The following PTGES3L variants were observed in gnomAD, a reference collection of about 807,000 sequenced individuals.
The protein encoded by PTGES3L is putative protein PTGES3L.
A neutral mutation model predicts 25.0 loss-of-function variants in PTGES3L; 17 were observed. The observed-to-expected ratio is 0.68, with a 90% confidence interval of 0.47 to 1.02. The LOEUF (loss-of-function observed/expected upper bound fraction) is 1.02, where lower values mean the gene tolerates loss of function less well. PTGES3L is among the 50% of genes least tolerant of loss of function. The pLI is 0.00. For missense variants in PTGES3L, 202 were observed against 197.5 expected, an observed-to-expected ratio of 1.02 and a Z score of -0.14; for synonymous variants, 59 against 65.7, an observed-to-expected ratio of 0.90 and a Z score of 0.50.
Position 42,979,392 on chromosome 17 carries a change from T to C in PTGES3L, c.175A>G (p.Lys59Glu). ...ELYNEIEFYA[K>E]VNSKDSQDKR... Reference sequence around the variant, plus strand: ...TTCACCCTTACCTTGGAGTTCACTTTGGCATAGAACTCAATCTCATTGTAC... The same window carrying C: ...TTCACCCTTACCTTGGAGTTCACTTCGGCATAGAACTCAATCTCATTGTAC... Residue 59 changes from lysine (K) to glutamate (E), a missense_variant, in exon 3 of 7, where the codon AAA (lysine) becomes GAA (glutamate). Transcript: ENST00000591916. The C allele has an allele frequency of 1.2e-6, 2 of 1,614,208 alleles. No homozygotes were observed. The highest frequency in any genetic ancestry group is 1.7e-6 in the Non-Finnish European group (2 of 1,180,028).
At chr17:42,974,808 T>C (rs1244248606) in intron 4 of PTGES3L, among the ~76,000 whole-genome samples, 1 of 150,080 alleles carries the variant, frequency 6.7e-6, no homozygotes, top group Non-Finnish European at 1.5e-5. Flanking sequence ...GAACACATAC[T>C]ATGGACAGAC....
At chr17:42,969,591 A>G (rs1389193284) in intron 6 of PTGES3L, among the ~76,000 whole-genome samples, 1 of 151,546 alleles carries the variant, frequency 6.6e-6, no homozygotes, top group African/African-American at 2.4e-5. Context: ...TGGTAGAGAC[A>G]GGGTTTTGCC....
chr17:42,972,337 C>T (rs1402141856), intron 4 of PTGES3L, among the ~76,000 whole-genome samples: 3 of 142,172 alleles, frequency 2.1e-5, no homozygotes, highest in East Asian at 4.3e-4. Flanking sequence ...CCCCCTCCCC[C>T]TCCCCATGGT....
intron 4 of PTGES3L, among the ~76,000 whole-genome samples, chr17:42,977,284 G>C (rs1342373579): frequency 6.6e-6 from 1 of 152,010 alleles, no homozygotes; most frequent in Non-Finnish European, 1.5e-5. Context: ...AAATTAGCTG[G>C]GCATGGTGGT....
intron 4 of PTGES3L, among the ~76,000 whole-genome samples, chr17:42,973,369 G>T (rs2049893021): frequency 5.1e-4 from 1 of 1,966 alleles, no homozygotes; most frequent in African/African-American, 1.7e-3. Flanking sequence ...GGAGGGAAGT[G>T]GGGGGGGTCA....
At chr17:42,970,115 A>G (rs998844887) in intron 6 of PTGES3L, among the ~76,000 whole-genome samples, 174 bp downstream of exon 6, 2 of 152,100 alleles carry the variant, frequency 1.3e-5, no homozygotes, top group African/African-American at 2.4e-5. Flanking sequence ...CGAAAGAGTG[A>G]AACTCCTCCC....
chr17:42,979,505 G>C (rs771885045), intron 2 of PTGES3L, 45 bp downstream of exon 2: 3 of 1,614,012 alleles, frequency 1.9e-6, no homozygotes, highest in Non-Finnish European at 2.5e-6. Context: ...TTAGGAAAGG[G>C]GTAGATTCCT....
chr17:42,980,064 G>T lies in PTGES3L; in HGVS notation c.-11C>A. ...CACTCACCGTGCCATTGCGGCTCCC[G>T]CTCCAGGGTGGCATTTAGAGTTCCA... is the stretch of plus-strand genomic sequence containing the variant. On this transcript the variant is annotated 5_prime_UTR_variant, in exon 1 of 7. Coordinates refer to ENST00000591916, the MANE Select transcript of PTGES3L (RefSeq NM_001261430.2). The T allele has an allele frequency of 6.4e-7, 1 of 1,551,120 alleles. No individual in the cohort carries two copies. The highest frequency in any genetic ancestry group is 8.7e-7 in the Non-Finnish European group (1 of 1,146,844).
rs1314149931 is a variant in PTGES3L, at chr17:42,970,289, A to G, written c.432T>C (p.Asp144=). The change falls in exon 6 of 7, where the codon GAT becomes GAC. Residue 144 remains aspartate, a splice_region_variant and synonymous_variant. Coordinates refer to ENST00000591916, the MANE Select transcript of PTGES3L (RefSeq NM_001261430.2). ...KRPPPAMDDL[D]DDSDSADDAT... ...GGGTTGAGGGGAAGGCTTTACTTAC[A>G]TCCAAATCATCCATGGCAGGTGGAG... The G allele has an allele frequency of 6.2e-7, 1 of 1,613,930 alleles. No individual in the cohort carries two copies. The highest frequency in any genetic ancestry group is 1.1e-5 in the South Asian group (1 of 91,086).
chr17:42,976,933 T>C (rs1053396704), intron 4 of PTGES3L, among the ~76,000 whole-genome samples: 7 of 152,160 alleles, frequency 4.6e-5, no homozygotes, highest in Non-Finnish European at 7.3e-5. Context: ...AGAAATTAAG[T>C]AGTGAATTCA....
chr17:42,968,147 A>G lies in PTGES3L; in HGVS notation c.*1001T>C, dbSNP rs2049767271. On this transcript the variant is annotated 3_prime_UTR_variant, in exon 7 of 7. Transcript: ENST00000591916. ...TTGTTTAAGTTACAGTCAACTGTACATATTAGGCACTCAAAAAAGTTTATG... is the reference window on the plus strand; with the variant it reads ...TTGTTTAAGTTACAGTCAACTGTACGTATTAGGCACTCAAAAAAGTTTATG... 1 of 152,230 alleles carries G rather than the reference A, an allele frequency of 6.6e-6. No homozygotes were observed. Among genetic ancestry groups the G allele is most frequent in the Non-Finnish European group, 1.5e-5 (1 of 68,046 alleles). 9.4% of individuals were successfully genotyped at this position (152,230 alleles called of 1,614,324 possible). A position where few individuals can be genotyped will look rare whatever the true frequency, so the allele number is the denominator to read the frequency against.
intron 4 of PTGES3L, among the ~76,000 whole-genome samples, chr17:42,974,932 C>T (rs572828804): frequency 5.3e-5 from 8 of 151,224 alleles, no homozygotes; most frequent in Admixed American, 4.0e-4. Context: ...CCCAGGGGTT[C>T]GAGACCAGCC....
chr17:42,972,876 G>A (rs2049872453), intron 4 of PTGES3L, among the ~76,000 whole-genome samples: 1 of 150,030 alleles, frequency 6.7e-6, no homozygotes, highest in African/African-American at 2.5e-5. Flanking sequence ...TAGGAAGTGA[G>A]GAGCGCCTCT....
intron 5 of PTGES3L, 83 bp downstream of exon 5, chr17:42,971,524 A>G: frequency 6.7e-7 from 1 of 1,502,102 alleles, no homozygotes. Context: ...GCTTGGCCCC[A>G]GTGACAATCC....
In PTGES3L at chr17:42,971,713, C is replaced by T. The variant is rs1309383414; in HGVS notation, c.289-17G>A. 1.7e-5 allele frequency: 27 copies of T among 1,613,606 alleles called. No individual in the cohort carries two copies. The highest frequency in any genetic ancestry group is 2.2e-5 in the Non-Finnish European group (26 of 1,179,830). On this transcript the variant is annotated splice_polypyrimidine_tract_variant and intron_variant, in intron 4 of 6. Transcript: ENST00000591916. ...CCACACTGGCTGCAAGAAGAGGCACCAAGAGTCACAGGCCAGGAGGGCAGG... is the reference window on the plus strand; with the variant it reads ...CCACACTGGCTGCAAGAAGAGGCACTAAGAGTCACAGGCCAGGAGGGCAGG...
chr17:42,979,472 G>GC, intron 2 of PTGES3L, 28 bp from the exon 3 acceptor site: 1 of 1,614,180 alleles, frequency 6.2e-7, no homozygotes, highest in African/African-American at 1.3e-5. Context: ...CTGAGGAGAT[G>GC]CGGAATACTC....
chr17:42,976,399 G>A (rs567017268), intron 4 of PTGES3L, among the ~76,000 whole-genome samples: 1 of 151,288 alleles, frequency 6.6e-6, no homozygotes, highest in East Asian at 1.9e-4. Context: ...TTTTTTTTGA[G>A]ACGTTGTCTC....
intron 6 of PTGES3L, 144 bp from the exon 7 acceptor site, chr17:42,969,330 T>C (rs2049791141): frequency 4.1e-6 from 2 of 493,600 alleles, no homozygotes; most frequent in South Asian, 4.3e-5. Context: ...GGGGCTAATA[T>C]GAAAGGTTTT....
intron 3 of PTGES3L, 41 bp from the exon 4 acceptor site, chr17:42,979,309 GAATT>G (rs2050027689): frequency 2.5e-6 from 4 of 1,613,942 alleles, no homozygotes; most frequent in Non-Finnish European, 3.4e-6. Context: ...CTGGGGTTTA[GAATT>G]AATCTCCAGT....
Sources: gnomAD v4.1 joint callset for allele counts (sites outside exome capture counted in the v4.1 genomes callset) on GRCh38, gnomAD v4.1.1 for gene constraint, MANE v1.5 for transcripts, NCBI Gene and HGNC (gene_info 2026-07-23, HGNC 2026-07-21) for gene names.